WIPF2: variants seen among roughly 807,000 people sequenced by gnomAD.
The protein encoded by WIPF2 is WAS/WASL interacting protein family member 2, also known as WAS/WASL-interacting protein family member 2.
In WIPF2, 23 loss-of-function variants were observed where a neutral mutation model predicts 38.8. The observed-to-expected ratio is 0.59, with a 90% CI of 0.43 to 0.84. The LOEUF is 0.84. WIPF2 is among the 40% of genes least tolerant of loss of function. The pLI, the probability that WIPF2 is intolerant of heterozygous loss-of-function variation, is 0.00. For synonymous variants in WIPF2, 210 were observed against 223.2 expected (o/e 0.94, Z 0.53); for missense variants, 574 against 580.5 (o/e 0.99, Z 0.11).
intron 1 of WIPF2, among the ~76,000 whole-genome samples, chr17:40,220,701 C>T (rs1157858013): frequency 1.4e-5 from 2 of 145,934 alleles, no homozygotes; most frequent in Non-Finnish European, 3.0e-5. Flanking sequence ...TTCCTGGGCT[C>T]AAGTGATCCT....
chr17:40,221,322 AT>A (rs534279209), intron 1 of WIPF2, among the ~76,000 whole-genome samples: 76 of 151,936 alleles, frequency 5.0e-4, no homozygotes, highest in Non-Finnish European at 1.5e-5. Context: ...TTAAGCTCTC[AT>A]TTTTTTCCCC....
intron 6 of WIPF2, among the ~76,000 whole-genome samples, chr17:40,276,502 CAG>C (rs2032403558): frequency 9.5e-6 from 1 of 105,226 alleles, no homozygotes; most frequent in Non-Finnish European, 1.7e-5. Context: ...GTCTGGGCAA[CAG>C]AGTGAGACTC....
At chr17:40,269,105 G>A (rs1240956853) in intron 5 of WIPF2, among the ~76,000 whole-genome samples, 1 of 152,100 alleles carries the variant, frequency 6.6e-6, no homozygotes, top group East Asian at 1.9e-4. Context: ...GATCACCTGA[G>A]GTCAGGAGTT....
chr17:40,233,352 C>G (rs557389601), intron 1 of WIPF2, among the ~76,000 whole-genome samples: 48 of 152,142 alleles, frequency 3.2e-4, no homozygotes, highest in African/African-American at 1.1e-3. Flanking sequence ...CATAAAGAAT[C>G]AGACAGTACT....
chr17:40,267,368 A>G (rs1373395012), intron 5 of WIPF2, among the ~76,000 whole-genome samples: 2 of 152,138 alleles, frequency 1.3e-5, no homozygotes, highest in Non-Finnish European at 2.9e-5. Context: ...CTGGAAAAAG[A>G]AGAGGTTGTG....
intron 1 of WIPF2, among the ~76,000 whole-genome samples, chr17:40,231,735 T>A (rs1413775395): frequency 5.3e-5 from 8 of 151,910 alleles, no homozygotes; most frequent in Non-Finnish European, 1.2e-4. Context: ...TTTTCTACTT[T>A]TATATATGGA....
chr17:40,248,004 A>T (rs999223320), intron 1 of WIPF2, among the ~76,000 whole-genome samples: 1 of 151,718 alleles, frequency 6.6e-6, no homozygotes, highest in East Asian at 1.9e-4. Flanking sequence ...TGTTAATTCT[A>T]TTTTTGTCTG....
rs1431019883 is a variant in WIPF2 at position 40,280,823 on chromosome 17, C to T, written c.*2598C>T. On this transcript the variant is annotated 3_prime_UTR_variant, in exon 8 of 8. Transcript: ENST00000323571. ...TGGGTATTGATTGTATACTTGTTGT[C>T]TTGGCCTCATGCAAAAAGGCCTGGG... 5 of 152,528 alleles carry T rather than the reference C, an allele frequency of 3.3e-5. No individual in the cohort carries two copies. The highest frequency in any genetic ancestry group is 7.3e-5 in the Non-Finnish European group (5 of 68,028). The allele number at this position is 152,528 out of a possible 1,614,324, so 9.4% of individuals were successfully genotyped here. A position where few individuals can be genotyped will look rare whatever the true frequency, so the allele number is the denominator to read the frequency against.
intron 2 of WIPF2, among the ~76,000 whole-genome samples, chr17:40,259,988 T>C (rs938970065): frequency 6.6e-6 from 1 of 151,974 alleles, no homozygotes; most frequent in African/African-American, 2.4e-5. Context: ...ACTGCAGGCC[T>C]CCCATCAGAA....
intron 5 of WIPF2, among the ~76,000 whole-genome samples, chr17:40,271,956 T>G (rs1250922979): frequency 6.6e-6 from 1 of 152,184 alleles, no homozygotes; most frequent in Non-Finnish European, 1.5e-5. Flanking sequence ...AATTTTCATC[T>G]TTTAAGAGTG....
chr17:40,244,720 A>T (rs1203692681), intron 1 of WIPF2, among the ~76,000 whole-genome samples: 1 of 151,958 alleles, frequency 6.6e-6, no homozygotes, highest in Non-Finnish European at 1.5e-5. Context: ...ATCTCTTCTC[A>T]CTCTGTTCTA....
chr17:40,234,456 A>C (rs571856331), intron 1 of WIPF2, among the ~76,000 whole-genome samples: 51 of 151,862 alleles, frequency 3.4e-4, no homozygotes, highest in African/African-American at 1.1e-3. Context: ...AACAAACAAA[A>C]AAAACAACCG....
chr17:40,274,103 G>T (rs1366745713), intron 6 of WIPF2, 104 bp downstream of exon 6: 3 of 945,094 alleles, frequency 3.2e-6, no homozygotes, highest in Non-Finnish European at 4.7e-6. Flanking sequence ...TGGCCACATG[G>T]GATCCTTTGT....
At chr17:40,244,029 T>C (rs1421000071) in intron 1 of WIPF2, among the ~76,000 whole-genome samples, 2 of 152,208 alleles carry the variant, frequency 1.3e-5, no homozygotes, top group African/African-American at 4.8e-5. Flanking sequence ...TGAATTGAAT[T>C]TCAAGAAGTG....
intron 1 of WIPF2, among the ~76,000 whole-genome samples, chr17:40,253,310 C>T (rs2031618342): frequency 6.6e-6 from 1 of 152,126 alleles, no homozygotes; most frequent in Admixed American, 6.5e-5. Context: ...GATCTGCCCG[C>T]CTTGGCCTCC....
intron 5 of WIPF2, among the ~76,000 whole-genome samples, chr17:40,268,940 T>G (rs763548970): frequency 1.3e-5 from 2 of 152,130 alleles, no homozygotes; most frequent in African/African-American, 4.8e-5. Context: ...ATCCTAGTGC[T>G]TTGGGAGGCT....
At chr17:40,251,608 C>A (rs2031564384) in intron 1 of WIPF2, among the ~76,000 whole-genome samples, 1 of 152,090 alleles carries the variant, frequency 6.6e-6, no homozygotes, top group Non-Finnish European at 1.5e-5. Flanking sequence ...ACACTAATTT[C>A]CAGGGGAGTT....
chr17:40,274,039 T>C, intron 6 of WIPF2, 40 bp downstream of exon 6: 1 of 1,476,284 alleles, frequency 6.8e-7, no homozygotes, highest in Non-Finnish European at 9.1e-7. Context: ...GTTCCTGCGG[T>C]GACTTCACCC....
At position 40,261,918 on chromosome 17, in the gene WIPF2, C is replaced by CCCGCCT. The variant is rs143503940; in HGVS notation, c.197-592_197-587dup. Among the ~76,000 whole-genome samples, 59 of 147,954 alleles carry CCCGCCT rather than the reference C, an allele frequency of 4.0e-4. No individual in the cohort carries two copies. In the South Asian group the frequency reaches 5.1e-3, roughly 13 times the overall value. ...CTCCATCTCCTGACCTCATGATCCG[C>CCCGCCT]CCGCCTCCGCCTCCGCCTCCCAAAG... On this transcript the variant is annotated intron_variant, in intron 3 of 7. Transcript: ENST00000323571.
Sources: gnomAD v4.1 joint callset for allele counts (sites outside exome capture counted in the v4.1 genomes callset) on GRCh38, gnomAD v4.1.1 for gene constraint, MANE v1.5 for transcripts, NCBI Gene and HGNC (gene_info 2026-07-23, HGNC 2026-07-21) for gene names.